The following EPHA7 variants were observed in gnomAD, a reference collection of about 807,000 sequenced individuals.
EPHA7 encodes the protein EPH receptor A7, also known as ephrin type-A receptor 7.
In EPHA7, 25 loss-of-function variants were observed where a neutral mutation model predicts 112.6. The ratio of observed to expected loss-of-function variants is 0.22; its 90% CI spans 0.16 to 0.31. EPHA7 has a LOEUF of 0.31. EPHA7 is among the 10% of genes least tolerant of loss of function. The probability of loss-of-function intolerance (pLI) is 1.00; values close to 1 mark genes in which losing one functional copy is unlikely to be tolerated. For synonymous variants in EPHA7, 437 were observed against 406.5 expected, an observed-to-expected ratio of 1.07 and a Z score of -0.90; for missense variants, 962 against 1,212.6, an observed-to-expected ratio of 0.79 and a Z score of 3.07.
At chr6:93,329,987 A>G (rs1774513420) in intron 5 of EPHA7, among the ~76,000 whole-genome samples, 1 of 151,448 alleles carries the variant, frequency 6.6e-6, no homozygotes, top group Non-Finnish European at 1.5e-5. Context: ...TAGTTAGAAG[A>G]AAAACTATAT....
Position 93,281,193 on chromosome 6 carries a change from G to A in EPHA7, c.1325-8771C>T, listed in dbSNP as rs114018618. On this transcript the variant is annotated intron_variant, in intron 5 of 16. Transcript: ENST00000369303. ...TCATCAATGTTAAGTCACTTAGAAG[G>A]GATACATCATTGTAAGAAAATGAAA... is the stretch of plus-strand genomic sequence containing the variant. 6.4e-3 allele frequency among the ~76,000 whole-genome samples: 977 copies of A among 151,996 alleles called. 14 individuals are homozygous for A. Among genetic ancestry groups the A allele is most frequent in the African/African-American group, 0.023 (943 of 41,448 alleles).
chr6:93,357,211 C>A lies in EPHA7; in HGVS notation c.989-159G>T, dbSNP rs377187694. ...TTTCTTTCACATAAACATTTCATTA[C>A]CTTTACTAGAGAAGCTGTATAAAAG... On this transcript the variant is annotated intron_variant, in intron 4 of 16. Coordinates refer to ENST00000369303, the MANE Select transcript of EPHA7 (RefSeq NM_004440.4). Among the ~76,000 whole-genome samples, 404 of 152,214 alleles carry A rather than the reference C, an allele frequency of 2.7e-3. 2 individuals are homozygous for A. Among genetic ancestry groups the A allele is most frequent in the Non-Finnish European group, 4.4e-3 (299 of 68,008 alleles).
chr6:93,305,982 C>T (rs556568228), intron 5 of EPHA7, among the ~76,000 whole-genome samples: 4 of 151,696 alleles, frequency 2.6e-5, no homozygotes, highest in African/African-American at 4.8e-5. Flanking sequence ...AATAAAATAT[C>T]GGAATATAAT....
In EPHA7 at chr6:93,249,546, G is replaced by A. The variant is rs575800270; in HGVS notation, c.2533-2561C>T. Among the ~76,000 whole-genome samples, 4 of 152,062 alleles carry A rather than the reference G, an allele frequency of 2.6e-5. No individual in the cohort carries two copies. The South Asian group carries it at 6.2e-4, about 24-fold the overall frequency. ...GTATTTTTTTCATTGGAAAATGAGC[G>A]GCTTTTTGTCTTTGAGGCTGCTTCT... On this transcript the variant is annotated intron_variant, in intron 14 of 16. Coordinates refer to ENST00000369303, the MANE Select transcript of EPHA7 (RefSeq NM_004440.4).
rs1393521874 is a variant in EPHA7 at position 93,272,319 on chromosome 6, A to G, written c.1428T>C (p.Tyr476=). The change falls in exon 6 of 17, where the codon TAT becomes TAC. Residue 476 remains tyrosine (Y), a synonymous_variant. Transcript: ENST00000369303. ...TTACTTTCTCGTAATACTTGATTTC[A>G]TATTCTGTGATGACTCCATTGGGAT... ...PEHPNGVITE[Y]EIKYYEKDQR... is the part of the protein sequence containing the mutation. The G allele has an allele frequency of 6.2e-7, 1 of 1,611,954 alleles. No homozygotes were observed. The highest frequency in any genetic ancestry group is 8.5e-7 in the Non-Finnish European group (1 of 1,178,516).
intron 2 of EPHA7, among the ~76,000 whole-genome samples, chr6:93,412,119 G>A (rs1779005299): frequency 6.6e-6 from 1 of 151,884 alleles, no homozygotes; most frequent in Admixed American, 6.6e-5. Flanking sequence ...CTAAATGAAT[G>A]GTTTGTTTTC....
intron 6 of EPHA7, among the ~76,000 whole-genome samples, chr6:93,270,738 T>C (rs994741510): frequency 3.3e-5 from 5 of 151,842 alleles, no homozygotes; most frequent in African/African-American, 1.2e-4. Context: ...TCTGTGATTG[T>C]CCTCATTATA....
chr6:93,313,910 A>G (rs1773662036), intron 5 of EPHA7, among the ~76,000 whole-genome samples: 1 of 152,148 alleles, frequency 6.6e-6, no homozygotes, highest in Non-Finnish European at 1.5e-5. Context: ...GTAAGATGGT[A>G]GCAAATTCAT....
chr6:93,382,500 G>A (rs1044946129), intron 3 of EPHA7, among the ~76,000 whole-genome samples: 5 of 152,156 alleles, frequency 3.3e-5, no homozygotes, highest in African/African-American at 1.2e-4. Context: ...ACTGTCTGCA[G>A]GTGGGGGTTA....
intron 3 of EPHA7, among the ~76,000 whole-genome samples, chr6:93,381,357 C>T (rs1266276846): frequency 6.6e-6 from 1 of 151,988 alleles, no homozygotes; most frequent in Admixed American, 6.6e-5. Flanking sequence ...TGTGGGGAAC[C>T]CAAATATGAT....
At chr6:93,328,184 A>T (rs1774415342) in intron 5 of EPHA7, among the ~76,000 whole-genome samples, 1 of 151,470 alleles carries the variant, frequency 6.6e-6, no homozygotes, top group Non-Finnish European at 1.5e-5. Context: ...ATTCCAATAA[A>T]GCCTTTCCTG....
chr6:93,362,045 T>C (rs1028419561), intron 3 of EPHA7, among the ~76,000 whole-genome samples: 1 of 152,126 alleles, frequency 6.6e-6, no homozygotes, highest in African/African-American at 2.4e-5. Context: ...TTAATAACAG[T>C]ATTTTTACAT....
At chr6:93,263,716 T>A (rs1467418454) in intron 9 of EPHA7, 144 bp downstream of exon 9, 3 of 503,108 alleles carry the variant, frequency 6.0e-6, no homozygotes, top group African/African-American at 2.0e-5. Flanking sequence ...TCTAAACATC[T>A]GATTCAAATG....
intron 5 of EPHA7, among the ~76,000 whole-genome samples, chr6:93,282,926 G>C (rs374210141): frequency 6.6e-6 from 1 of 152,130 alleles, no homozygotes; most frequent in South Asian, 2.1e-4. Context: ...GAGCCTCCCC[G>C]AGGAGCGCTG....
chr6:93,404,802 T>C (rs1378844298), intron 3 of EPHA7, among the ~76,000 whole-genome samples: 1 of 151,678 alleles, frequency 6.6e-6, no homozygotes, highest in Non-Finnish European at 1.5e-5. Flanking sequence ...GTACTTAAAA[T>C]AGGATTTGGT....
intron 2 of EPHA7, among the ~76,000 whole-genome samples, chr6:93,412,657 A>G (rs1779033942): frequency 6.6e-6 from 1 of 152,104 alleles, no homozygotes; most frequent in South Asian, 2.1e-4. Flanking sequence ...TCAGCCAAAC[A>G]TAACCAAATT....
chr6:93,370,994 A>AC (rs1248009379), intron 3 of EPHA7, among the ~76,000 whole-genome samples: 1 of 151,272 alleles, frequency 6.6e-6, no homozygotes, highest in Non-Finnish European at 1.5e-5. Flanking sequence ...AAATACAAAA[A>AC]AAAAAAAAAG....
At chr6:93,243,614 TTTAA>T in intron 16 of EPHA7, 74 bp from the exon 17 acceptor site, 2 of 988,198 alleles carry the variant, frequency 2.0e-6, no homozygotes, top group Middle Eastern at 2.1e-4. Context: ...TCATCAACTG[TTTAA>T]TTAAATACGT....
At chr6:93,308,853 G>T (rs1233386326) in intron 5 of EPHA7, among the ~76,000 whole-genome samples, 3 of 151,988 alleles carry the variant, frequency 2.0e-5, no homozygotes, top group African/African-American at 7.2e-5. Flanking sequence ...TCTGCACATA[G>T]GTGTTAAGCT....
Sources: gnomAD v4.1 joint callset for allele counts (sites outside exome capture counted in the v4.1 genomes callset) on GRCh38, gnomAD v4.1.1 for gene constraint, MANE v1.5 for transcripts, NCBI Gene and HGNC (gene_info 2026-07-23, HGNC 2026-07-21) for gene names.